The following LGALS3 variants were observed in gnomAD, a reference collection of about 807,000 sequenced individuals.
LGALS3 encodes galectin-3.
A neutral mutation model predicts 20.7 loss-of-function variants in LGALS3; 18 were observed. That is an observed-to-expected ratio of 0.87 (90% confidence interval 0.60 to 1.29). The LOEUF (loss-of-function observed/expected upper bound fraction) is 1.29. LGALS3 is among the 50% of genes most tolerant of loss of function. The pLI is 0.00. For synonymous variants in LGALS3, 112 were observed against 119.6 expected (o/e 0.94, Z 0.42); for missense variants, 315 against 314.7 (o/e 1.00, Z -0.01).
At chr14:55,132,258 T>C (rs1014470383) in intron 1 of LGALS3, among the ~76,000 whole-genome samples, 39 of 152,226 alleles carry the variant, frequency 2.6e-4, no homozygotes, top group African/African-American at 9.2e-4. Flanking sequence ...TTTACAAATG[T>C]GGAGACCCAG....
intron 1 of LGALS3, among the ~76,000 whole-genome samples, chr14:55,131,561 CTT>C (rs1213412259): frequency 1.3e-5 from 2 of 152,198 alleles, no homozygotes; most frequent in Non-Finnish European, 2.9e-5. Flanking sequence ...AAACATAGCT[CTT>C]CTTTCCTGTG....
At chr14:55,137,962 T>A in intron 2 of LGALS3, 83 bp from the exon 3 acceptor site, 2 of 1,446,640 alleles carry the variant, frequency 1.4e-6, no homozygotes, top group South Asian at 3.5e-5. Context: ...CTCTCCTTCT[T>A]AGATCACATA....
chr14:55,135,791 T>G (rs571198687), intron 1 of LGALS3, among the ~76,000 whole-genome samples: 1 of 152,146 alleles, frequency 6.6e-6, no homozygotes, highest in African/African-American at 2.4e-5. Flanking sequence ...TCTTGAACTC[T>G]TGGGCTCAAG....
At chr14:55,136,778 C>T (rs1421304716) in intron 1 of LGALS3, among the ~76,000 whole-genome samples, 1 of 152,120 alleles carries the variant, frequency 6.6e-6, no homozygotes, top group African/African-American at 2.4e-5. Context: ...ATTTTTGTCA[C>T]CCATTAACTA....
chr14:55,145,027 C>A, intron 5 of LGALS3, 89 bp from the exon 6 acceptor site: 1 of 1,032,992 alleles, frequency 9.7e-7, no homozygotes, highest in Non-Finnish European at 1.4e-6. Context: ...TTCTATAGTG[C>A]AGATGAAATA....
rs756004708 is a variant in LGALS3, at chr14:55,145,261, C to T, written c.743C>T (p.Thr248Ile). The T allele has an allele frequency of 6.8e-6, 11 of 1,612,230 alleles. No individual in the cohort carries two copies. In the Admixed American group the frequency reaches 1.8e-4, roughly 27 times the overall value. Residue 248 changes from threonine to isoleucine, a missense_variant, in exon 6 of 6, where the codon ACC becomes ATC. Coordinates refer to ENST00000254301, the MANE Select transcript of LGALS3 (RefSeq NM_002306.4). ...GDIDLTSASY[T>I]MI ...ATAGACCTCACCAGTGCTTCATATA[C>T]CATGATATAATCTGAAAGGGGCAGA...
intron 3 of LGALS3, among the ~76,000 whole-genome samples, chr14:55,138,805 G>A (rs1179374413): frequency 6.6e-6 from 1 of 152,082 alleles, no homozygotes; most frequent in South Asian, 2.1e-4. Context: ...GAGGAACCAG[G>A]GTAATCTGGT....
At chr14:55,140,456 A>G (rs1157751416) in intron 4 of LGALS3, 93 bp downstream of exon 4, 10 of 716,992 alleles carry the variant, frequency 1.4e-5, no homozygotes, top group Non-Finnish European at 2.1e-5. Context: ...CCTGTCTTAC[A>G]GTGCTATTTT....
chr14:55,140,171 T>C lies in LGALS3; in HGVS notation c.343-104T>C. ...GGACAGATGGCATATACTAGAGTTA[T>C]GTGTTTTTCACACATATTAATAGTG... On this transcript the variant is annotated intron_variant, in intron 3 of 5. Transcript: ENST00000254301. 3 of 731,478 alleles carry C rather than the reference T, an allele frequency of 4.1e-6. No homozygotes were observed. In the South Asian group the frequency reaches 5.2e-5, roughly 13 times the overall value. 45.3% of individuals were successfully genotyped at this position (731,478 alleles called of 1,614,324 possible).
At position 55,134,634 on chromosome 14, in the gene LGALS3, T is replaced by C. The variant is rs142351455; in HGVS notation, c.-4-2736T>C. Among the ~76,000 whole-genome samples the C allele has an allele frequency of 1.1e-4, 17 of 152,302 alleles. No individual in the cohort carries two copies. The East Asian group carries it at 2.1e-3, about 19-fold the overall frequency. On this transcript the variant is annotated intron_variant, in intron 1 of 5. Transcript: ENST00000254301. Reference sequence around the variant, plus strand: ...TGCAGTAGCAACTTATACGGTTTCTTATACGGTAGTGTGGCAGCCTTTTGG... The same window carrying C: ...TGCAGTAGCAACTTATACGGTTTCTCATACGGTAGTGTGGCAGCCTTTTGG...
At position 55,140,208 on chromosome 14, in the gene LGALS3, G is replaced by A. The variant is rs115213423; in HGVS notation, c.343-67G>A. 727 of 999,528 alleles carry A rather than the reference G, an allele frequency of 7.3e-4. 5 individuals are homozygous for A. In the African/African-American group the frequency reaches 0.011, roughly 15 times the overall value. The allele number at this position is 999,528 out of a possible 1,614,324, so 61.9% of individuals were successfully genotyped here. On this transcript the variant is annotated intron_variant, in intron 3 of 5. Coordinates refer to ENST00000254301, the MANE Select transcript of LGALS3 (RefSeq NM_002306.4). ...ACATATTAATAGTGATGGAACTTTA[G>A]CAACATCGTTTTTTCCCCAAAGAAA...
intron 1 of LGALS3, among the ~76,000 whole-genome samples, chr14:55,136,046 A>AC (rs1881386055): frequency 6.6e-6 from 1 of 152,110 alleles, no homozygotes; most frequent in South Asian, 2.1e-4. Context: ...GGAAGAACTC[A>AC]CCCATGCCTC....
At chr14:55,138,771 C>T (rs1881514599) in intron 3 of LGALS3, among the ~76,000 whole-genome samples, 1 of 152,072 alleles carries the variant, frequency 6.6e-6, no homozygotes, top group African/African-American at 2.4e-5. Context: ...TATAATTTGT[C>T]CAGGGTCATT....
chr14:55,138,134 C>T lies in LGALS3; in HGVS notation c.108C>T (p.Tyr36=). ...WGNQPAGAGG[Y]PGASYPGAYP... ...ACCAGCCTGCTGGGGCAGGGGGCTACCCAGGGGCTTCCTATCCTGGGGCCT... is the reference window on the plus strand; with the variant it reads ...ACCAGCCTGCTGGGGCAGGGGGCTATCCAGGGGCTTCCTATCCTGGGGCCT... The change falls in exon 3 of 6, where the codon TAC becomes TAT. Residue 36 remains tyrosine, a synonymous_variant. Transcript: ENST00000254301. The T allele has an allele frequency of 6.3e-7, 1 of 1,580,040 alleles. No homozygotes were observed. The highest frequency in any genetic ancestry group is 1.2e-5 in the South Asian group (1 of 85,644).
intron 3 of LGALS3, among the ~76,000 whole-genome samples, chr14:55,139,319 T>C: frequency 6.6e-6 from 1 of 152,342 alleles, no homozygotes; most frequent in African/African-American, 2.4e-5. Context: ...AGCAAAGCTT[T>C]AGCCCAAACT....
At chr14:55,131,755 G>T (rs182453206) in intron 1 of LGALS3, among the ~76,000 whole-genome samples, 6 of 152,158 alleles carry the variant, frequency 3.9e-5, no homozygotes. Context: ...CAGCTTTTCC[G>T]TAGGGGGGAA....
At position 55,138,081 on chromosome 14, in the gene LGALS3, C is replaced by T; in HGVS notation, c.55C>T (p.Pro19Ser). The change falls in exon 3 of 6, where the codon CCT becomes TCT. Residue 19 changes from proline to serine, a missense_variant. Coordinates refer to ENST00000254301, the MANE Select transcript of LGALS3 (RefSeq NM_002306.4). The stretch of plus-strand genomic sequence containing the variant: ...GTTATCTGGGTCTGGAAACCCAAAC[C>T]CTCAAGGATGGCCTGGCGCATGGGG... ...DALSGSGNPN[P>S]QGWPGAWGNQ... is the part of the protein sequence containing the mutation. The T allele has an allele frequency of 1.3e-6, 2 of 1,513,710 alleles. No individual in the cohort carries two copies. Among genetic ancestry groups the T allele is most frequent in the Non-Finnish European group, 1.8e-6 (2 of 1,132,978 alleles). 93.8% of individuals were successfully genotyped at this position (1,513,710 alleles called of 1,614,324 possible). A position where few individuals can be genotyped will look rare whatever the true frequency, so the allele number is the denominator to read the frequency against.
chr14:55,141,974 T>G (rs748992140), intron 4 of LGALS3, among the ~76,000 whole-genome samples: 2 of 152,234 alleles, frequency 1.3e-5, no homozygotes, highest in Non-Finnish European at 2.9e-5. Flanking sequence ...GTCAAAAAGC[T>G]AAACTAGCAA....
At position 55,137,351 on chromosome 14, in the gene LGALS3, T is replaced by C. The variant is rs1157449721; in HGVS notation, c.-4-19T>C. On this transcript the variant is annotated intron_variant, in intron 1 of 5. Coordinates refer to ENST00000254301, the MANE Select transcript of LGALS3 (RefSeq NM_002306.4). Reference sequence around the variant, plus strand: ...GGTGAAAGCTTTTAGGATAAAATGATAATCTTTGTTTCTTTCAGGAAAATG... The same window carrying C: ...GGTGAAAGCTTTTAGGATAAAATGACAATCTTTGTTTCTTTCAGGAAAATG... 2 of 1,611,550 alleles carry C rather than the reference T, an allele frequency of 1.2e-6. No homozygotes were observed. The highest frequency in any genetic ancestry group is 1.7e-6 in the Non-Finnish European group (2 of 1,177,560).
Sources: allele counts gnomAD v4.1 joint callset (sites outside exome capture counted in the v4.1 genomes callset), GRCh38; gene constraint gnomAD v4.1.1; transcripts MANE v1.5; gene names NCBI Gene and HGNC (gene_info 2026-07-23, HGNC 2026-07-21).